SLC9A9: variants seen among roughly 807,000 people sequenced by gnomAD.
The protein encoded by SLC9A9 is solute carrier family 9 member A9.
Under a neutral mutation model 77.8 loss-of-function variants are expected in SLC9A9, and 62 were observed. The ratio of observed to expected loss-of-function variants is 0.80; its 90% CI spans 0.65 to 0.98. The LOEUF (loss-of-function observed/expected upper bound fraction) is 0.98. SLC9A9 is among the 50% of genes least tolerant of loss of function. The pLI, the probability that SLC9A9 is intolerant of heterozygous loss-of-function variation, is 0.00. For missense variants in SLC9A9, 775 were observed against 774.9 expected, an observed-to-expected ratio of 1.00 and a Z score of 0.00; for synonymous variants, 320 against 283.5, an observed-to-expected ratio of 1.13 and a Z score of -1.29.
chr3:143,521,873 T>C (rs113923466), intron 9 of SLC9A9, among the ~76,000 whole-genome samples: 2,309 of 152,222 alleles, frequency 0.015, 65 homozygotes, highest in African/African-American at 0.052. Flanking sequence ...ATAAAAATCT[T>C]GAGGTCTAAT....
At chr3:143,520,026 A>G (rs897781128) in intron 9 of SLC9A9, among the ~76,000 whole-genome samples, 5 of 152,224 alleles carry the variant, frequency 3.3e-5, no homozygotes, top group Non-Finnish European at 5.9e-5. Flanking sequence ...AGAAGACTCC[A>G]GGCTGGAGAT....
chr3:143,797,207 A>G (rs2008410226), intron 2 of SLC9A9, among the ~76,000 whole-genome samples: 1 of 150,990 alleles, frequency 6.6e-6, no homozygotes. Flanking sequence ...ATATGTATAT[A>G]GGCTTCTTAC....
intron 12 of SLC9A9, among the ~76,000 whole-genome samples, chr3:143,434,719 C>T (rs894566142): frequency 1.3e-5 from 2 of 152,178 alleles, no homozygotes; most frequent in African/African-American, 4.8e-5. Flanking sequence ...CCTCTTTCCA[C>T]CCTGGTCCAT....
intron 13 of SLC9A9, among the ~76,000 whole-genome samples, chr3:143,365,712 A>G (rs1046862780): frequency 2.0e-5 from 3 of 152,188 alleles, no homozygotes; most frequent in East Asian, 1.9e-4. Flanking sequence ...ATCCTTCCCT[A>G]TACCTTTCTC....
chr3:143,471,535 A>G (rs1463167611), intron 11 of SLC9A9, among the ~76,000 whole-genome samples: 2 of 152,186 alleles, frequency 1.3e-5, no homozygotes, highest in East Asian at 1.9e-4. Flanking sequence ...TTAGCCAAAC[A>G]TTATTTCCAA....
chr3:143,732,947 G>A (rs1355546494), intron 4 of SLC9A9, among the ~76,000 whole-genome samples: 1 of 152,118 alleles, frequency 6.6e-6, no homozygotes, highest in Non-Finnish European at 1.5e-5. Flanking sequence ...TCTGAGTGGT[G>A]CAACTAAGGC....
In SLC9A9 at chr3:143,848,327, C is replaced by T; in HGVS notation, c.-5G>A. On this transcript the variant is annotated 5_prime_UTR_variant, in exon 1 of 16. Transcript: ENST00000316549. Reference sequence around the variant, plus strand: ...AACCCTTGACTGTCTCTCCATTCCCCAGTCTTCTTGGGATTCCTTAGATAA... The same window carrying T: ...AACCCTTGACTGTCTCTCCATTCCCTAGTCTTCTTGGGATTCCTTAGATAA... 4 of 1,613,850 alleles carry T rather than the reference C, an allele frequency of 2.5e-6. No individual in the cohort carries two copies. The highest frequency in any genetic ancestry group is 1.7e-4 in the Middle Eastern group (1 of 6,060).
chr3:143,291,799 A>T (rs1208355535), intron 14 of SLC9A9, among the ~76,000 whole-genome samples: 1 of 152,074 alleles, frequency 6.6e-6, no homozygotes. Context: ...GAATGACAAA[A>T]CTCCATAAAG....
chr3:143,628,539 G>C (rs530631905), intron 6 of SLC9A9, among the ~76,000 whole-genome samples: 1 of 152,264 alleles, frequency 6.6e-6, no homozygotes, highest in South Asian at 2.1e-4. Flanking sequence ...ATTTAGAGTT[G>C]ACAATACTGT....
intron 4 of SLC9A9, among the ~76,000 whole-genome samples, chr3:143,725,535 A>C (rs1449232014): frequency 3.3e-5 from 5 of 149,872 alleles, no homozygotes; most frequent in Middle Eastern, 3.2e-3. Flanking sequence ...GCACATATAC[A>C]CCATGGAATA....
intron 2 of SLC9A9, among the ~76,000 whole-genome samples, chr3:143,806,624 T>C (rs909202686): frequency 3.9e-5 from 6 of 152,032 alleles, no homozygotes; most frequent in Non-Finnish European, 8.8e-5. Context: ...AAAAGACAAA[T>C]TTTGCATATT....
chr3:143,444,325 C>T (rs900080325), intron 12 of SLC9A9, among the ~76,000 whole-genome samples: 2 of 152,100 alleles, frequency 1.3e-5, no homozygotes, highest in African/African-American at 2.4e-5. Context: ...TTCTCATAGT[C>T]GGAGATGTTA....
At chr3:143,806,649 A>G (rs2008721203) in intron 2 of SLC9A9, among the ~76,000 whole-genome samples, 1 of 152,094 alleles carries the variant, frequency 6.6e-6, no homozygotes, top group African/African-American at 2.4e-5. Context: ...CTCATTCTAT[A>G]GCTAAAAATT....
intron 4 of SLC9A9, among the ~76,000 whole-genome samples, chr3:143,759,762 C>T (rs1258245836): frequency 6.6e-6 from 1 of 152,016 alleles, no homozygotes; most frequent in Admixed American, 6.6e-5. Context: ...ATTTATTTTA[C>T]TATCCTAAGC....
At chr3:143,676,027 G>A (rs1007801567) in intron 5 of SLC9A9, among the ~76,000 whole-genome samples, 1 of 152,078 alleles carries the variant, frequency 6.6e-6, no homozygotes. Context: ...GGATGGTTTC[G>A]GAATGAAACT....
At chr3:143,804,192 T>C (rs938824896) in intron 2 of SLC9A9, among the ~76,000 whole-genome samples, 1 of 152,206 alleles carries the variant, frequency 6.6e-6, no homozygotes, top group Non-Finnish European at 1.5e-5. Flanking sequence ...AGCTCCATAT[T>C]ACAGATAAGC....
chr3:143,847,379 A>G (rs1020519080), intron 1 of SLC9A9, among the ~76,000 whole-genome samples: 1 of 152,206 alleles, frequency 6.6e-6, no homozygotes, highest in Non-Finnish European at 1.5e-5. Flanking sequence ...GTACAGACAG[A>G]TAATCTCTGT....
rs571442020 is a variant in SLC9A9 at position 143,529,077 on chromosome 3, A to G, written c.1089+23285T>C. ...GGAGGAGACAGAGCTGCAGATGAGG[A>G]GGGTGAGTTACCCTGTGCCAACAAC... On this transcript the variant is annotated intron_variant, in intron 9 of 15. Coordinates refer to ENST00000316549, the MANE Select transcript of SLC9A9 (RefSeq NM_173653.4). Among the ~76,000 whole-genome samples the G allele has an allele frequency of 1.1e-3, 167 of 152,270 alleles. 1 individual carries two copies. The highest frequency in any genetic ancestry group is 4.0e-3 in the African/African-American group (166 of 41,562).
At chr3:143,687,400 G>A (rs75901008) in intron 5 of SLC9A9, among the ~76,000 whole-genome samples, 6,519 of 152,180 alleles carry the variant, frequency 0.043, 452 homozygotes, top group African/African-American at 0.15. Context: ...GTGTTTTAAG[G>A]TTGTTGAAGA....
Sources: allele counts gnomAD v4.1 joint callset (sites outside exome capture counted in the v4.1 genomes callset), GRCh38; gene constraint gnomAD v4.1.1; transcripts MANE v1.5; gene names NCBI Gene and HGNC (gene_info 2026-07-23, HGNC 2026-07-21).